Variants in PRAC2 observed in about 807,000 individuals in gnomAD.
PRAC2 encodes the protein PRAC2 small nuclear protein, also known as protein PRAC2.
For missense variants in PRAC2, 92 were observed against 114.5 expected (o/e 0.80, Z 0.90); for synonymous variants, 43 against 49.5 (o/e 0.87, Z 0.55).
upstream of PRAC2, among the ~76,000 whole-genome samples, chr17:48,719,993 G>C (rs112569084): frequency 6.6e-6 from 1 of 152,208 alleles, no homozygotes; most frequent in Non-Finnish European, 1.5e-5. Flanking sequence ...CCTGGAATGG[G>C]AGGTGCGGCG....
At chr17:48,722,900 C>T (rs1567699478), upstream of PRAC2, among the ~76,000 whole-genome samples, 1 of 152,122 alleles carries the variant, frequency 6.6e-6, no homozygotes. Flanking sequence ...CAGCATTATT[C>T]TAGGGGCGAT....
upstream of PRAC2, chr17:48,722,340 T>G (rs1168975958): frequency 6.2e-7 from 1 of 1,614,094 alleles, no homozygotes; most frequent in Admixed American, 1.7e-5. Context: ...AAAAGCACTC[T>G]TGGAGGTAGT....
At chr17:48,719,900 C>T (rs908704533), upstream of PRAC2, among the ~76,000 whole-genome samples, 2 of 152,182 alleles carry the variant, frequency 1.3e-5, no homozygotes, top group Non-Finnish European at 2.9e-5. Context: ...CGCCCTTCCC[C>T]TCCACCCCTC....
At chr17:48,722,540 C>T (rs556448054), upstream of PRAC2, 809 of 685,390 alleles carry the variant, frequency 1.2e-3, 7 homozygotes, top group South Asian at 6.6e-3. Flanking sequence ...GCACTGGGTG[C>T]CCCTCTCCCT....
At position 48,724,480 on chromosome 17, in the gene PRAC2, T is replaced by C. The variant is rs527565410; in HGVS notation, c.70T>C (p.Trp24Arg). 8.1e-6 allele frequency: 10 copies of C among 1,234,080 alleles called. No individual in the cohort carries two copies. In the African/African-American group the frequency reaches 1.5e-4, roughly 19 times the overall value. The allele number at this position is 1,234,080 out of a possible 1,614,324, so 76.4% of individuals were successfully genotyped here. A position where few individuals can be genotyped will look rare whatever the true frequency, so the allele number is the denominator to read the frequency against. Residue 24 changes from tryptophan (W) to arginine (R), a missense_variant, in exon 2 of 2, where the codon TGG becomes CGG. By Grantham distance (101) the Trp-to-Arg change is moderately radical. Coordinates refer to ENST00000422730, the MANE Select transcript of PRAC2 (RefSeq NM_001282275.2). ...RPTAFFFHSRWLVPNLLAFFL... is the reference protein window; with the variant it reads ...RPTAFFFHSRRLVPNLLAFFL... ...GACCGCCTTCTTCTTCCATTCGAGA[T>C]GGCTCGTACCGAACCTCCTTGCCTT...
At chr17:48,721,723 C>CT (rs540313015), upstream of PRAC2, 23 of 1,326,254 alleles carry the variant, frequency 1.7e-5, no homozygotes, top group Middle Eastern at 1.1e-3. Flanking sequence ...ACCCAGTTTC[C>CT]TTTTTTAAAA....
chr17:48,723,411 A>C, intron 1 of PRAC2, 98 bp downstream of exon 1: 1 of 309,912 alleles, frequency 3.2e-6, no homozygotes. Context: ...CCCTGAAGGA[A>C]ACCCAATTAG....
upstream of PRAC2, chr17:48,722,318 C>A: frequency 1.2e-6 from 2 of 1,613,370 alleles, no homozygotes; most frequent in Non-Finnish European, 1.7e-6. Context: ...ATCAGTTTAC[C>A]TTATTAGAGA....
chr17:48,721,412 A>G (rs1002156604), upstream of PRAC2, among the ~76,000 whole-genome samples: 1 of 151,976 alleles, frequency 6.6e-6, no homozygotes, highest in African/African-American at 2.4e-5. Context: ...TGCAACCTCC[A>G]CCTCCCAGGT....
In PRAC2 at chr17:48,724,460, C is replaced by G; in HGVS notation, c.50C>G (p.Ala17Gly). The change falls in exon 2 of 2, where the codon GCC (alanine) becomes GGC (glycine). Residue 17 changes from alanine (A) to glycine (G), a missense_variant. Coordinates refer to ENST00000422730, the MANE Select transcript of PRAC2 (RefSeq NM_001282275.2). ...CGGCCTGGCTCCCGCAGACCGACCG[C>G]CTTCTTCTTCCATTCGAGATGGCTC... ...ALRPGSRRPT[A>G]FFFHSRWLVP... The G allele has an allele frequency of 8.1e-7, 1 of 1,234,242 alleles. No individual in the cohort carries two copies. The highest frequency in any genetic ancestry group is 3.2e-5 in the East Asian group (1 of 31,660). 76.5% of individuals were successfully genotyped at this position (1,234,242 alleles called of 1,614,324 possible). A position where few individuals can be genotyped will look rare whatever the true frequency, so the allele number is the denominator to read the frequency against.
rs200748701 is a variant in PRAC2, at chr17:48,724,399, G to A, written c.-12G>A. On this transcript the variant is annotated 5_prime_UTR_variant, in exon 2 of 2. Transcript: ENST00000422730. ...CACCACTAATTATTATGGCGAGGAAGATAAAGAAGACATGGACAGAAGGCG... is the reference window on the plus strand; with the variant it reads ...CACCACTAATTATTATGGCGAGGAAAATAAAGAAGACATGGACAGAAGGCG... 6.5e-6 allele frequency: 8 copies of A among 1,234,368 alleles called. No homozygotes were observed. The East Asian group carries it at 2.2e-4, about 34-fold the overall frequency. The allele number at this position is 1,234,368 out of a possible 1,614,324, so 76.5% of individuals were successfully genotyped here. A position where few individuals can be genotyped will look rare whatever the true frequency, so the allele number is the denominator to read the frequency against.
At chr17:48,722,092 T>G (rs1271984225), upstream of PRAC2, among the ~76,000 whole-genome samples, 2 of 152,000 alleles carry the variant, frequency 1.3e-5, no homozygotes, top group African/African-American at 4.8e-5. Flanking sequence ...TGCGAAACAT[T>G]TTCTTTGTCC....
At chr17:48,721,414 C>T (rs1430325538), upstream of PRAC2, among the ~76,000 whole-genome samples, 4 of 152,220 alleles carry the variant, frequency 2.6e-5, no homozygotes, top group Non-Finnish European at 4.4e-5. Context: ...CAACCTCCAC[C>T]TCCCAGGTTC....
chr17:48,720,937 G>T (rs148250099), upstream of PRAC2, among the ~76,000 whole-genome samples: 1 of 152,098 alleles, frequency 6.6e-6, no homozygotes, highest in South Asian at 2.1e-4. Context: ...GAGGTTAAGC[G>T]CTCCTGTTTT....
chr17:48,720,772 G>A (rs962987369), upstream of PRAC2, among the ~76,000 whole-genome samples: 20 of 152,178 alleles, frequency 1.3e-4, no homozygotes, highest in Non-Finnish European at 2.8e-4. Context: ...GCCTGAGGAG[G>A]GGCTGGGTCT....
Position 48,724,696 on chromosome 17 carries a change from A to G in PRAC2, c.*13A>G. 3 of 1,223,820 alleles carry G rather than the reference A, an allele frequency of 2.5e-6. No homozygotes were observed. Among genetic ancestry groups the G allele is most frequent in the Non-Finnish European group, 3.1e-6 (3 of 980,476 alleles). The allele number at this position is 1,223,820 out of a possible 1,614,324, so 75.8% of individuals were successfully genotyped here. On this transcript the variant is annotated 3_prime_UTR_variant, in exon 2 of 2. Coordinates refer to ENST00000422730, the MANE Select transcript of PRAC2 (RefSeq NM_001282275.2). ...CCTGGAGTGGTGAGCCTCTGTCGGA[A>G]GGGGGCGCCCACGTCTTTTTAATGG...
chr17:48,722,232 TG>T, upstream of PRAC2: 1 of 1,162,924 alleles, frequency 8.6e-7, no homozygotes, highest in Non-Finnish European at 1.3e-6. Context: ...CCCAAATTCC[TG>T]GGAGACCCTC....
In PRAC2 at chr17:48,724,672, C is replaced by G; in HGVS notation, c.262C>G (p.Leu88Val). ...RTMKACPQVLLEW is the reference protein window; with the variant it reads ...RTMKACPQVLVEW ...GATGAAAGCCTGCCCGCAGGTTCTC[C>G]TGGAGTGGTGAGCCTCTGTCGGAAG... The change falls in exon 2 of 2, where the codon CTG (leucine) becomes GTG (valine). Residue 88 changes from leucine (L) to valine (V), a missense_variant. Transcript: ENST00000422730. 1 of 1,232,174 alleles carries G rather than the reference C, an allele frequency of 8.1e-7. No individual in the cohort carries two copies. 76.3% of individuals were successfully genotyped at this position (1,232,174 alleles called of 1,614,324 possible).
upstream of PRAC2, among the ~76,000 whole-genome samples, chr17:48,720,653 C>T (rs2038136290): frequency 1.3e-5 from 2 of 152,230 alleles, no homozygotes; most frequent in Non-Finnish European, 2.9e-5. Flanking sequence ...TTCCTCCTGT[C>T]TTCCACCCCT....
Sources: allele counts gnomAD v4.1 joint callset (sites outside exome capture counted in the v4.1 genomes callset), GRCh38; gene constraint gnomAD v4.1.1; transcripts MANE v1.5; gene names NCBI Gene and HGNC (gene_info 2026-07-23, HGNC 2026-07-21).